Variants in PLCH1 observed in about 807,000 individuals in gnomAD.
PLCH1 encodes the protein 1-phosphatidylinositol 4,5-bisphosphate phosphodiesterase eta-1.
PLCH1 carries 60 observed loss-of-function variants against 126.7 expected under a neutral mutation model. The observed-to-expected ratio is 0.47, with a 90% CI of 0.38 to 0.59. The LOEUF is 0.59. Among genes scored for constraint, PLCH1 ranks in the 20% least tolerant of loss-of-function variants. The probability of loss-of-function intolerance (pLI) is 0.00; values close to 1 mark genes in which losing one functional copy is unlikely to be tolerated. For synonymous variants in PLCH1, 719 were observed against 734.9 expected (o/e 0.98, Z 0.35); for missense variants, 1,723 against 2,040.0 (o/e 0.84, Z 2.99).
At chr3:155,701,879 A>G (rs889910830) in intron 2 of PLCH1, among the ~76,000 whole-genome samples, 1 of 152,202 alleles carries the variant, frequency 6.6e-6, no homozygotes, top group African/African-American at 2.4e-5. Context: ...CTGAATTACA[A>G]TATATCCTGA....
At chr3:155,596,492 G>A (rs1733004840) in intron 2 of PLCH1, 114 bp from the exon 3 acceptor site, 3 of 743,054 alleles carry the variant, frequency 4.0e-6, no homozygotes, top group East Asian at 3.1e-5. Flanking sequence ...CCAAGGACCA[G>A]AACAAATTTG....
intron 6 of PLCH1, among the ~76,000 whole-genome samples, chr3:155,571,013 G>A (rs7633008): frequency 0.058 from 8,864 of 152,082 alleles, 861 homozygotes; most frequent in African/African-American, 0.2. Flanking sequence ...CACATTAAAG[G>A]ACAACTAATT....
intron 21 of PLCH1, among the ~76,000 whole-genome samples, chr3:155,472,878 AC>A (rs1713336196): frequency 6.6e-6 from 1 of 151,584 alleles, no homozygotes; most frequent in Non-Finnish European, 1.5e-5. Flanking sequence ...AAATTCAACA[AC>A]CCTTCATACT....
intron 2 of PLCH1, among the ~76,000 whole-genome samples, chr3:155,646,445 C>T (rs1740073209): frequency 6.6e-6 from 1 of 152,174 alleles, no homozygotes; most frequent in East Asian, 1.9e-4. Context: ...TCTCACCCCA[C>T]CCTTTCTCAG....
chr3:155,741,684 C>CTTTTATTTTATTTTTTTTTTT, intron 1 of PLCH1, among the ~76,000 whole-genome samples: 1 of 102,868 alleles, frequency 9.7e-6, no homozygotes, highest in African/African-American at 4.8e-5. Flanking sequence ...TTTATATCCT[C>CTTTTATTTTATTTTTTTTTTT]TTTTTTTTTT....
chr3:155,606,585 A>T (rs1179330120), intron 2 of PLCH1, among the ~76,000 whole-genome samples: 1 of 152,214 alleles, frequency 6.6e-6, no homozygotes, highest in African/African-American at 2.4e-5. Flanking sequence ...AGTAGTAACC[A>T]TTCACTCTAA....
At chr3:155,683,212 C>G (rs185416118) in intron 2 of PLCH1, among the ~76,000 whole-genome samples, 12 of 152,256 alleles carry the variant, frequency 7.9e-5, no homozygotes, top group Admixed American at 7.9e-4. Context: ...CCTCTTTGAA[C>G]GCTGCCTGCT....
intron 10 of PLCH1, among the ~76,000 whole-genome samples, chr3:155,537,155 G>T (rs1358580313): frequency 1.6e-5 from 2 of 121,622 alleles, no homozygotes; most frequent in Non-Finnish European, 3.3e-5. Flanking sequence ...CAAAAATGCT[G>T]AGAGAATTCG....
At chr3:155,676,230 T>A (rs1744074333) in intron 2 of PLCH1, 1 of 1,246,092 alleles carries the variant, frequency 8.0e-7, no homozygotes, top group South Asian at 3.6e-5. Context: ...GGCTTTATAG[T>A]GTGGAGAAAA....
chr3:155,617,473 C>CAG (rs35613439), intron 2 of PLCH1, among the ~76,000 whole-genome samples: 73,617 of 151,764 alleles, frequency 0.49, 20,212 homozygotes, highest in African/African-American at 0.74. Flanking sequence ...TTTGGTTTTT[C>CAG]AGTCAAGAAA....
intron 2 of PLCH1, among the ~76,000 whole-genome samples, chr3:155,667,903 T>TAAAAAAAAAA (rs35373040): frequency 1.3e-5 from 1 of 75,574 alleles, no homozygotes; most frequent in Non-Finnish European, 2.3e-5. Flanking sequence ...CATCTCTACT[T>TAAAAAAAAAA]AAAAAAAAAA....
intron 19 of PLCH1, among the ~76,000 whole-genome samples, chr3:155,489,252 C>A (rs894111088): frequency 6.6e-6 from 1 of 152,160 alleles, no homozygotes; most frequent in Non-Finnish European, 1.5e-5. Flanking sequence ...GGTGCATTTG[C>A]AGGTTTCAAC....
At chr3:155,605,860 T>C (rs1324227129) in intron 2 of PLCH1, among the ~76,000 whole-genome samples, 1 of 152,156 alleles carries the variant, frequency 6.6e-6, no homozygotes, top group Non-Finnish European at 1.5e-5. Flanking sequence ...TTCTAGATCT[T>C]GTAAAAACAA....
rs149304391 is a variant in PLCH1, at chr3:155,525,279, C to A, written c.1363-1275G>T. Among the ~76,000 whole-genome samples, 10 of 152,254 alleles carry A rather than the reference C, an allele frequency of 6.6e-5. No homozygotes were observed. In the East Asian group the frequency reaches 1.9e-3, roughly 29 times the overall value. ...AAAATCCATGTATTAGAACCTAATA[C>A]CTCACCCATATGATAGTATTAAGAG... On this transcript the variant is annotated intron_variant, in intron 10 of 22. Transcript: ENST00000460012.
chr3:155,486,166 T>C, intron 21 of PLCH1: 1 of 1,546,646 alleles, frequency 6.5e-7, no homozygotes, highest in Non-Finnish European at 8.7e-7. Context: ...TCCTAGAAAG[T>C]GCAATATAGT....
intron 21 of PLCH1, among the ~76,000 whole-genome samples, chr3:155,472,145 T>A (rs1204397115): frequency 6.6e-6 from 1 of 152,052 alleles, no homozygotes; most frequent in Non-Finnish European, 1.5e-5. Context: ...AGGAGCTGGT[T>A]TTTTGAAAGG....
intron 18 of PLCH1, 76 bp downstream of exon 18, chr3:155,492,653 C>T: frequency 7.5e-7 from 1 of 1,342,240 alleles, no homozygotes; most frequent in African/African-American, 1.5e-5. Context: ...TCTCTGAAGA[C>T]ATTTCGGATA....
At chr3:155,623,941 C>T (rs780112911) in intron 2 of PLCH1, among the ~76,000 whole-genome samples, 27 of 152,138 alleles carry the variant, frequency 1.8e-4, no homozygotes, top group Non-Finnish European at 3.4e-4. Context: ...GGCAGAGACA[C>T]AACAAAAAAA....
intron 12 of PLCH1, among the ~76,000 whole-genome samples, chr3:155,505,875 C>A (rs151146236): frequency 6.6e-6 from 1 of 151,198 alleles, no homozygotes; most frequent in Non-Finnish European, 1.5e-5. Flanking sequence ...CTTTAGCAAG[C>A]CTCTTCTCTT....
Sources: gnomAD v4.1 joint callset for allele counts (sites outside exome capture counted in the v4.1 genomes callset) on GRCh38, gnomAD v4.1.1 for gene constraint, MANE v1.5 for transcripts, NCBI Gene and HGNC (gene_info 2026-07-23, HGNC 2026-07-21) for gene names.